Variants in ARPC1B observed in about 807,000 individuals in gnomAD.
ARPC1B encodes actin-related protein 2/3 complex subunit 1B.
A neutral mutation model predicts 46.0 loss-of-function variants in ARPC1B; 29 were observed. The observed-to-expected ratio is 0.63, with a 90% CI of 0.47 to 0.86. The LOEUF (loss-of-function observed/expected upper bound fraction) is 0.86. Ranked by LOEUF, ARPC1B falls within the 40% of genes least tolerant of loss-of-function variation. The probability of loss-of-function intolerance (pLI) is 0.00; values close to 1 mark genes in which losing one functional copy is unlikely to be tolerated. For missense variants in ARPC1B, 469 were observed against 529.4 expected (o/e 0.89, Z 1.12); for synonymous variants, 201 against 213.9 (o/e 0.94, Z 0.53).
intron 1 of ARPC1B, among the ~76,000 whole-genome samples, chr7:99,378,631 C>T (rs1394134994): frequency 1.3e-5 from 2 of 150,816 alleles, no homozygotes; most frequent in East Asian, 2.1e-4. Context: ...TGCAGTGAGC[C>T]GAGAATGCAC....
intron 1 of ARPC1B, among the ~76,000 whole-genome samples, chr7:99,381,470 C>T (rs563520920): frequency 4.6e-4 from 70 of 152,212 alleles, no homozygotes; most frequent in African/African-American, 1.5e-3. Context: ...AGGCTGAACA[C>T]GCATGTGTTT....
chr7:99,387,692 G>A (rs1378731342), intron 3 of ARPC1B, among the ~76,000 whole-genome samples: 6 of 147,790 alleles, frequency 4.1e-5, no homozygotes, highest in East Asian at 2.0e-4. Flanking sequence ...AGCTGAGATC[G>A]TGCCAGTGCA....
In ARPC1B at chr7:99,391,100, G is replaced by A; in HGVS notation, c.707+1G>A. 6.2e-6 allele frequency: 10 copies of A among 1,612,806 alleles called. No individual in the cohort carries two copies. The highest frequency in any genetic ancestry group is 7.6e-6 in the Non-Finnish European group (9 of 1,179,336). On this transcript the variant is annotated splice_donor_variant, in intron 6 of 9. Transcript: ENST00000646101. LOFTEE classifies it high-confidence loss of function. ...TGGCTGATGCCGACAAGAAGATGGCGTGAGTCGAGGCCATCCCCAGGGGAG... is the reference window on the plus strand; with the variant it reads ...TGGCTGATGCCGACAAGAAGATGGCATGAGTCGAGGCCATCCCCAGGGGAG...
intron 1 of ARPC1B, among the ~76,000 whole-genome samples, chr7:99,385,019 G>A (rs987226078): frequency 7.4e-6 from 1 of 135,142 alleles, no homozygotes; most frequent in African/African-American, 2.8e-5. Flanking sequence ...AGGCTGGAGT[G>A]CAGTGGTGCG....
At chr7:99,394,312 C>A in intron 9 of ARPC1B, 139 bp from the exon 10 acceptor site, 1 of 1,077,748 alleles carries the variant, frequency 9.3e-7, no homozygotes, top group Non-Finnish European at 1.4e-6. Context: ...GGCCGGGATT[C>A]CAACCCAGCT....
rs181396496 is a variant in ARPC1B at position 99,376,984 on chromosome 7, A to T, written c.-14+2203A>T. Among the ~76,000 whole-genome samples, 3 of 152,102 alleles carry T rather than the reference A, an allele frequency of 2.0e-5. No individual in the cohort carries two copies. In the South Asian group the frequency reaches 6.2e-4, roughly 31 times the overall value. ...GATGCCGGTAAAGTTTGTTTCTTAC[A>T]TATGTCTGTACATAATCCATTGATA... On this transcript the variant is annotated intron_variant, in intron 1 of 9. Coordinates refer to ENST00000646101, the MANE Select transcript of ARPC1B (RefSeq NM_005720.4).
chr7:99,386,400 G>A (rs1037127027), intron 2 of ARPC1B: 8 of 560,220 alleles, frequency 1.4e-5, no homozygotes, highest in African/African-American at 1.1e-4. Context: ...AGGTGCAGGG[G>A]CCCTGAGGTG....
intron 8 of ARPC1B, among the ~76,000 whole-genome samples, chr7:99,393,422 G>A (rs1304487468): frequency 6.6e-6 from 1 of 152,148 alleles, no homozygotes; most frequent in Non-Finnish European, 1.5e-5. Context: ...GGGGTGGCCA[G>A]GCAGTGACCA....
At chr7:99,388,332 AC>A in intron 4 of ARPC1B, 71 bp downstream of exon 4, 1 of 1,467,716 alleles carries the variant, frequency 6.8e-7, no homozygotes, top group Non-Finnish European at 9.4e-7. Flanking sequence ...CCCGGGAAGC[AC>A]CAAATGGGAT....
rs1484907210 is a variant in ARPC1B at position 99,390,936 on chromosome 7, C to T, written c.544C>T (p.Pro182Ser). 5 of 1,612,778 alleles carry T rather than the reference C, an allele frequency of 3.1e-6. No homozygotes were observed. The highest frequency in any genetic ancestry group is 3.4e-6 in the Non-Finnish European group (4 of 1,179,148). The change falls in exon 6 of 10, where the codon CCC becomes TCC. Residue 182 changes from proline to serine, a missense_variant. By Grantham distance (74) the Pro-to-Ser change is moderately conservative (BLOSUM62 -1). Coordinates refer to ENST00000646101, the MANE Select transcript of ARPC1B (RefSeq NM_005720.4). ...YIKEVEERPAPTPWGSKMPFG... is the reference protein window; with the variant it reads ...YIKEVEERPASTPWGSKMPFG... ...CAAGGAGGTGGAGGAACGGCCGGCA[C>T]CCACCCCGTGGGGCTCCAAGATGCC...
At position 99,388,156 on chromosome 7, in the gene ARPC1B, A is replaced by G. The variant is rs201019693; in HGVS notation, c.287A>G (p.Asn96Ser). The G allele has an allele frequency of 1.9e-4, 299 of 1,614,110 alleles. 1 individual carries two copies. The highest frequency in any genetic ancestry group is 1.3e-5 in the African/African-American group (1 of 74,946). ...WKPTLVILRI[N>S]RAARCVRWAP... ...CCCACGCTGGTCATCCTGCGGATCA[A>G]CCGGGCTGCCCGCTGCGTGCGCTGG... is the stretch of plus-strand genomic sequence containing the variant. The change falls in exon 4 of 10, where the codon AAC becomes AGC. Residue 96 changes from asparagine (N) to serine (S), a missense_variant. By Grantham distance (46) the Asn-to-Ser change is conservative (BLOSUM62 1). Coordinates refer to ENST00000646101, the MANE Select transcript of ARPC1B (RefSeq NM_005720.4).
chr7:99,391,296 G>A (rs1794564227), intron 7 of ARPC1B, 43 bp downstream of exon 7: 1 of 1,586,268 alleles, frequency 6.3e-7, no homozygotes, highest in African/African-American at 1.3e-5. Context: ...GTCACAGCAG[G>A]CCTCCGAGAG....
Position 99,389,918 on chromosome 7 carries a change from C to T in ARPC1B, c.406C>T (p.His136Tyr). 6.2e-7 allele frequency: 1 copy of T among 1,614,116 alleles called. No homozygotes were observed. Among genetic ancestry groups the T allele is most frequent in the Non-Finnish European group, 8.5e-7 (1 of 1,179,986 alleles). ...EQENDWWVCK[H>Y]IKKPIRSTVL... is the part of the protein sequence containing the mutation. ...CACCGTTCCCAGGTGGGTTTGCAAG[C>T]ACATCAAGAAGCCCATCCGCTCCAC... is the stretch of plus-strand genomic sequence containing the variant. The change falls in exon 5 of 10, where the codon CAC becomes TAC. Residue 136 changes from histidine to tyrosine, a missense_variant. His to Tyr is a moderately conservative substitution (Grantham distance 83, BLOSUM62 2). Coordinates refer to ENST00000646101, the MANE Select transcript of ARPC1B (RefSeq NM_005720.4).
intron 2 of ARPC1B, chr7:99,386,432 T>G (rs1794393364): frequency 1.7e-6 from 1 of 593,746 alleles, no homozygotes; most frequent in African/African-American, 1.8e-5. Flanking sequence ...AGCGAAGGGT[T>G]CCTGGTTGGC....
chr7:99,390,933 G>A lies in ARPC1B; in HGVS notation c.541G>A (p.Ala181Thr), dbSNP rs752587907. ...CATCAAGGAGGTGGAGGAACGGCCG[G>A]CACCCACCCCGTGGGGCTCCAAGAT... ...AYIKEVEERP[A>T]PTPWGSKMPF... is the part of the protein sequence containing the mutation. The change falls in exon 6 of 10, where the codon GCA (alanine) becomes ACA (threonine). Residue 181 changes from alanine to threonine, a missense_variant. By Grantham distance (58) the Ala-to-Thr change is moderately conservative (BLOSUM62 0). Coordinates refer to ENST00000646101, the MANE Select transcript of ARPC1B (RefSeq NM_005720.4). The A allele has an allele frequency of 1.8e-5, 29 of 1,612,528 alleles. No homozygotes were observed. The highest frequency in any genetic ancestry group is 2.3e-5 in the Non-Finnish European group (27 of 1,179,108).
At chr7:99,394,181 C>T in intron 9 of ARPC1B, 62 bp downstream of exon 9, 4 of 1,552,500 alleles carry the variant, frequency 2.6e-6, no homozygotes, top group Non-Finnish European at 3.5e-6. Context: ...CCCCCCATCC[C>T]CACTCCCTGG....
intron 1 of ARPC1B, among the ~76,000 whole-genome samples, chr7:99,385,075 C>G (rs1328943244): frequency 6.7e-6 from 1 of 149,810 alleles, no homozygotes; most frequent in African/African-American, 2.5e-5. Flanking sequence ...ACGCCATTCT[C>G]CTGCCTCAGG....
In ARPC1B at chr7:99,386,964, C is replaced by T. The variant is rs1794408678; in HGVS notation, c.169+175C>T. On this transcript the variant is annotated intron_variant, in intron 3 of 9. Coordinates refer to ENST00000646101, the MANE Select transcript of ARPC1B (RefSeq NM_005720.4). ...GTTGGCTCATGTTACCAAAAACTCA[C>T]AGGGTTGAGGGCTTCAGGAGAGGCT... 3.9e-5 allele frequency among the ~76,000 whole-genome samples: 6 copies of T among 152,220 alleles called. No individual in the cohort carries two copies. The South Asian group carries it at 1.2e-3, about 32-fold the overall frequency.
In ARPC1B at chr7:99,388,168, G is replaced by T; in HGVS notation, c.299G>T (p.Arg100Leu). ...ATCCTGCGGATCAACCGGGCTGCCC[G>T]CTGCGTGCGCTGGGCCCCCAACGAG... ...LVILRINRAARCVRWAPNENK... is the reference protein window; with the variant it reads ...LVILRINRAALCVRWAPNENK... The change falls in exon 4 of 10, where the codon CGC (arginine) becomes CTC (leucine). Residue 100 changes from arginine to leucine, a missense_variant. Arg to Leu is a moderately radical substitution (Grantham distance 102, BLOSUM62 -2). Transcript: ENST00000646101. 1.2e-6 allele frequency: 2 copies of T among 1,614,214 alleles called. No individual in the cohort carries two copies. The highest frequency in any genetic ancestry group is 8.5e-7 in the Non-Finnish European group (1 of 1,180,020).
Sources: allele counts gnomAD v4.1 joint callset (sites outside exome capture counted in the v4.1 genomes callset), GRCh38; gene constraint gnomAD v4.1.1; transcripts MANE v1.5; gene names NCBI Gene and HGNC (gene_info 2026-07-23, HGNC 2026-07-21).